Variants in MMP16 observed in about 807,000 individuals in gnomAD.
MMP16 encodes matrix metallopeptidase 16, also known as matrix metalloproteinase-16.
Under a neutral mutation model 67.8 loss-of-function variants are expected in MMP16, and 12 were observed. That is an observed-to-expected ratio of 0.18 (90% CI 0.11 to 0.29). The LOEUF (loss-of-function observed/expected upper bound fraction) is 0.29, where lower values mean the gene tolerates loss of function less well. Ranked by LOEUF, MMP16 falls within the 10% of genes least tolerant of loss-of-function variation. The pLI is 1.00. For synonymous variants in MMP16, 249 were observed against 255.9 expected (o/e 0.97, Z 0.26); for missense variants, 475 against 765.7 (o/e 0.62, Z 4.48).
intron 6 of MMP16, among the ~76,000 whole-genome samples, chr8:88,114,886 T>C (rs1482847807): frequency 1.3e-5 from 2 of 151,962 alleles, no homozygotes; most frequent in African/African-American, 4.8e-5. Context: ...CTTGAGAGTC[T>C]GATCCATGTA....
chr8:88,098,729 C>T (rs568971811), intron 6 of MMP16, among the ~76,000 whole-genome samples: 138 of 151,914 alleles, frequency 9.1e-4, no homozygotes, highest in Admixed American at 1.6e-3. Flanking sequence ...TGTGAACACC[C>T]GGCTCTCATC....
At chr8:88,205,275 A>AATTTAG (rs1809408538) in intron 1 of MMP16, among the ~76,000 whole-genome samples, 1 of 152,180 alleles carries the variant, frequency 6.6e-6, no homozygotes, top group Non-Finnish European at 1.5e-5. Flanking sequence ...TGGCTCTGTT[A>AATTTAG]ATTTAGACTG....
intron 6 of MMP16, among the ~76,000 whole-genome samples, chr8:88,107,381 A>G (rs1042536951): frequency 1.3e-5 from 2 of 151,054 alleles, no homozygotes; most frequent in African/African-American, 4.8e-5. Flanking sequence ...TAATTTTTAG[A>G]ATAATCAGGG....
chr8:88,241,865 C>T (rs1310992902), intron 1 of MMP16, among the ~76,000 whole-genome samples: 1 of 152,078 alleles, frequency 6.6e-6, no homozygotes, highest in Admixed American at 6.5e-5. Flanking sequence ...ATCCTCTCGT[C>T]TAGCTCTTTG....
chr8:88,303,130 A>T (rs1811130657), intron 1 of MMP16, among the ~76,000 whole-genome samples: 1 of 152,178 alleles, frequency 6.6e-6, no homozygotes, highest in African/African-American at 2.4e-5. Flanking sequence ...AGTTTTGCAT[A>T]CTGTGGTCCT....
intron 1 of MMP16, among the ~76,000 whole-genome samples, chr8:88,271,241 T>G (rs1810557698): frequency 6.6e-6 from 1 of 152,210 alleles, no homozygotes; most frequent in African/African-American, 2.4e-5. Context: ...CTTCAATTAC[T>G]TATGACCTGG....
chr8:88,048,889 T>C (rs17719493), intron 8 of MMP16, among the ~76,000 whole-genome samples: 32,729 of 152,168 alleles, frequency 0.22, 4,096 homozygotes, highest in Non-Finnish European at 0.29. Context: ...CTGCCAGGCC[T>C]ATGGAGGATT....
At chr8:88,095,940 T>C (rs542351288) in intron 6 of MMP16, among the ~76,000 whole-genome samples, 5 of 152,094 alleles carry the variant, frequency 3.3e-5, no homozygotes, top group African/African-American at 9.6e-5. Flanking sequence ...GTTCAAACTT[T>C]AAGCTCAAAA....
intron 6 of MMP16, among the ~76,000 whole-genome samples, chr8:88,113,065 A>ATTTT (rs1809365419): frequency 3.3e-5 from 5 of 151,880 alleles, no homozygotes; most frequent in Admixed American, 3.3e-4. Context: ...TATTGGTCAC[A>ATTTT]GTTTGATTAT....
chr8:88,048,571 T>C (rs1430561656), intron 8 of MMP16, among the ~76,000 whole-genome samples: 4 of 152,132 alleles, frequency 2.6e-5, no homozygotes, highest in Admixed American at 2.6e-4. Context: ...CTGTCCCCAT[T>C]TGAGAGAGGA....
intron 1 of MMP16, among the ~76,000 whole-genome samples, chr8:88,290,571 T>A (rs887988615): frequency 4.6e-5 from 7 of 152,010 alleles, no homozygotes; most frequent in African/African-American, 1.7e-4. Flanking sequence ...AAAATTGACC[T>A]AATTATTTTA....
chr8:88,102,180 A>T (rs1034645451), intron 6 of MMP16, among the ~76,000 whole-genome samples: 13 of 151,808 alleles, frequency 8.6e-5, no homozygotes, highest in African/African-American at 2.9e-4. Context: ...GTGTCCTTCA[A>T]TCCAAGGTTG....
At chr8:88,273,008 T>C (rs1810589726) in intron 1 of MMP16, among the ~76,000 whole-genome samples, 1 of 149,468 alleles carries the variant, frequency 6.7e-6, no homozygotes, top group South Asian at 2.1e-4. Context: ...AAACAAATCA[T>C]GTCAGAAAAA....
At chr8:88,212,203 G>A (rs1001608172) in intron 1 of MMP16, among the ~76,000 whole-genome samples, 6 of 152,102 alleles carry the variant, frequency 3.9e-5, no homozygotes, top group African/African-American at 1.4e-4. Context: ...GGTGTGTGGT[G>A]GGTATGGACA....
At chr8:88,052,465 T>A (rs1808282524) in intron 8 of MMP16, among the ~76,000 whole-genome samples, 3 of 152,154 alleles carry the variant, frequency 2.0e-5, no homozygotes, top group Admixed American at 2.0e-4. Flanking sequence ...ACTCCTTCAA[T>A]GGTCTCCCAG....
At chr8:88,303,027 C>T (rs992187194) in intron 1 of MMP16, among the ~76,000 whole-genome samples, 2 of 152,200 alleles carry the variant, frequency 1.3e-5, no homozygotes, top group South Asian at 2.1e-4. Flanking sequence ...GAGATCCCTT[C>T]GTGAGCCCAC....
chr8:88,141,564 T>A (rs1303099450), intron 4 of MMP16, among the ~76,000 whole-genome samples: 2 of 152,216 alleles, frequency 1.3e-5, no homozygotes, highest in Non-Finnish European at 2.9e-5. Flanking sequence ...TGTTTCACTT[T>A]CCTCATCTGT....
chr8:88,051,339 C>A (rs1028629125), intron 8 of MMP16, among the ~76,000 whole-genome samples: 2 of 152,044 alleles, frequency 1.3e-5, no homozygotes, highest in African/African-American at 2.4e-5. Context: ...GTACATCAAC[C>A]ATTTGGGGGG....
Position 88,058,543 on chromosome 8 carries a change from G to A in MMP16, c.1223-2265C>T, listed in dbSNP as rs979846116. ...TCAGAAAGCAAAGTGCTATACAAAT[G>A]GAGAAAGAAAAAAGGATATTAAGGT... On this transcript the variant is annotated intron_variant, in intron 7 of 9. Transcript: ENST00000286614. The surrounding 1 kb of genome is among the most constrained non-coding windows in gnomAD (Gnocchi z 4.2). Among the ~76,000 whole-genome samples the A allele has an allele frequency of 8.6e-5, 13 of 152,036 alleles. No homozygotes were observed. Among genetic ancestry groups the A allele is most frequent in the Middle Eastern group, 3.2e-3 (1 of 316 alleles).
Sources: gnomAD v4.1 joint callset for allele counts (sites outside exome capture counted in the v4.1 genomes callset) on GRCh38, gnomAD v4.1.1 for gene constraint, Gnocchi (gnomAD v3.1) non-coding constraint, MANE v1.5 for transcripts, NCBI Gene and HGNC (gene_info 2026-07-23, HGNC 2026-07-21) for gene names.